The following PDE11A variants were observed in gnomAD, a reference collection of about 807,000 sequenced individuals.
PDE11A encodes the protein dual 3',5'-cyclic-AMP and -GMP phosphodiesterase 11A.
A neutral mutation model predicts 100.5 loss-of-function variants in PDE11A; 100 were observed. That is an observed-to-expected ratio of 1.00 (90% CI 0.85 to 1.18). PDE11A has a LOEUF of 1.18. Among genes scored for constraint, PDE11A ranks in the 50% most tolerant of loss-of-function variants. The pLI, the probability that PDE11A is intolerant of heterozygous loss-of-function variation, is 0.00. For synonymous variants in PDE11A, 381 were observed against 420.8 expected, an observed-to-expected ratio of 0.91 and a Z score of 1.16; for missense variants, 1,141 against 1,152.6, an observed-to-expected ratio of 0.99 and a Z score of 0.15.
At chr2:177,971,975 A>T (rs187690911) in intron 2 of PDE11A, among the ~76,000 whole-genome samples, 21 of 152,344 alleles carry the variant, frequency 1.4e-4, no homozygotes, top group African/African-American at 4.1e-4. Context: ...CTAGACACCA[A>T]TAGAGTCTCA....
intron 9 of PDE11A, among the ~76,000 whole-genome samples, chr2:177,789,965 C>T (rs1029019721): frequency 6.6e-6 from 1 of 151,146 alleles, no homozygotes; most frequent in African/African-American, 2.4e-5. Context: ...CCATACTGCC[C>T]AAGGTAATTT....
chr2:177,843,201 G>C (rs1392016352), intron 5 of PDE11A, among the ~76,000 whole-genome samples: 1 of 152,200 alleles, frequency 6.6e-6, no homozygotes, highest in African/African-American at 2.4e-5. Context: ...TTATAGATCA[G>C]AAAATGGAGA....
At chr2:177,919,528 A>C (rs1442116937) in intron 2 of PDE11A, among the ~76,000 whole-genome samples, 2 of 152,178 alleles carry the variant, frequency 1.3e-5, no homozygotes, top group African/African-American at 2.4e-5. Context: ...CAATTATTCC[A>C]AACTTTCATA....
At chr2:178,093,234 T>C (rs1046665376) in intron 2 of PDE11A, among the ~76,000 whole-genome samples, 1 of 152,226 alleles carries the variant, frequency 6.6e-6, no homozygotes, top group Admixed American at 6.5e-5. Flanking sequence ...AGACATGTTA[T>C]GCTTAAGCAG....
At chr2:177,912,022 A>G (rs993382745) in intron 2 of PDE11A, among the ~76,000 whole-genome samples, 3 of 152,148 alleles carry the variant, frequency 2.0e-5, no homozygotes, top group African/African-American at 7.2e-5. Flanking sequence ...GAGGGCAAAT[A>G]AAAAAGAAGG....
intron 9 of PDE11A, among the ~76,000 whole-genome samples, chr2:177,773,759 A>C (rs1223211750): frequency 1.3e-5 from 2 of 152,192 alleles, no homozygotes; most frequent in African/African-American, 2.4e-5. Flanking sequence ...TTCCCAGAAG[A>C]GTACAATCCA....
intron 1 of PDE11A, among the ~76,000 whole-genome samples, chr2:178,042,767 GC>G (rs2086699938): frequency 6.6e-6 from 1 of 152,100 alleles, no homozygotes; most frequent in African/African-American, 2.4e-5. Flanking sequence ...AGGATATTCT[GC>G]CATGAAGCCT....
intron 4 of PDE11A, among the ~76,000 whole-genome samples, chr2:177,890,418 T>C (rs2105717805): frequency 6.6e-6 from 1 of 152,324 alleles, no homozygotes; most frequent in Non-Finnish European, 1.5e-5. Context: ...ACATGACTTA[T>C]TTTGGTGAAC....
intron 10 of PDE11A, among the ~76,000 whole-genome samples, chr2:177,767,221 T>C (rs2105498579): frequency 6.6e-6 from 1 of 152,232 alleles, no homozygotes. Context: ...TCCCTGCTAC[T>C]TGGGAGGCTG....
intron 2 of PDE11A, among the ~76,000 whole-genome samples, chr2:177,954,271 T>A (rs979407924): frequency 6.6e-6 from 1 of 152,096 alleles, no homozygotes; most frequent in Non-Finnish European, 1.5e-5. Flanking sequence ...GGGGGGGAAA[T>A]GTTACTTACA....
intron 6 of PDE11A, among the ~76,000 whole-genome samples, chr2:177,835,860 G>C (rs1214313999): frequency 1.3e-5 from 2 of 152,220 alleles, no homozygotes; most frequent in East Asian, 3.9e-4. Context: ...AGCAGTGCCG[G>C]CCCACTGGCG....
chr2:178,015,875 T>C (rs567444748), intron 1 of PDE11A, among the ~76,000 whole-genome samples: 19 of 152,260 alleles, frequency 1.2e-4, no homozygotes, highest in Admixed American at 7.8e-4. Flanking sequence ...TCCAGTCTGA[T>C]GATAAACTAT....
intron 2 of PDE11A, among the ~76,000 whole-genome samples, chr2:177,967,615 T>A (rs904789730): frequency 1.3e-5 from 2 of 152,014 alleles, no homozygotes; most frequent in Non-Finnish European, 2.9e-5. Flanking sequence ...GCTTAAAGCA[T>A]CTAGTATAGA....
At chr2:177,756,034 T>C (rs934198588) in intron 10 of PDE11A, among the ~76,000 whole-genome samples, 11 of 152,324 alleles carry the variant, frequency 7.2e-5, no homozygotes, top group Admixed American at 5.2e-4. Context: ...GGGAAGACTT[T>C]GGGCTTTTAC....
intron 2 of PDE11A, among the ~76,000 whole-genome samples, chr2:177,942,082 G>T (rs1410847757): frequency 1.3e-5 from 2 of 152,168 alleles, no homozygotes; most frequent in African/African-American, 2.4e-5. Flanking sequence ...AAATGCTATT[G>T]CTTTAAACAT....
intron 2 of PDE11A, among the ~76,000 whole-genome samples, chr2:177,957,922 A>C (rs962938307): frequency 4.6e-5 from 1 of 21,632 alleles, no homozygotes; most frequent in Admixed American, 2.3e-4. Context: ...TTTTTTTGAG[A>C]CGGAGTCTCT....
rs1337858983 is a variant in PDE11A, at chr2:177,626,022, G to A, written c.*3385C>T. On this transcript the variant is annotated 3_prime_UTR_variant, in exon 20 of 20. Coordinates refer to ENST00000286063, the MANE Select transcript of PDE11A (RefSeq NM_016953.4). ...ATTACAAACAGCTACTAGATTGATG[G>A]TTGACATTGTCAGGGCTCCACTGTA... 2 of 152,572 alleles carry A rather than the reference G, an allele frequency of 1.3e-5. No homozygotes were observed. Among genetic ancestry groups the A allele is most frequent in the Admixed American group, 6.6e-5 (1 of 15,264 alleles). The allele number at this position is 152,572 out of a possible 1,614,324, so 9.5% of individuals were successfully genotyped here.
intron 9 of PDE11A, among the ~76,000 whole-genome samples, chr2:177,774,468 T>C (rs1334584308): frequency 6.6e-6 from 1 of 152,230 alleles, no homozygotes; most frequent in African/African-American, 2.4e-5. Context: ...CACTCCTATT[T>C]TGAAAAGTCT....
intron 19 of PDE11A, among the ~76,000 whole-genome samples, chr2:177,633,325 G>T (rs1176634103): frequency 6.6e-6 from 1 of 152,210 alleles, no homozygotes; most frequent in Non-Finnish European, 1.5e-5. Context: ...CTCTTTTTCT[G>T]TTAGAATGCC....
Sources: allele counts gnomAD v4.1 joint callset (sites outside exome capture counted in the v4.1 genomes callset), GRCh38; gene constraint gnomAD v4.1.1; transcripts MANE v1.5; gene names NCBI Gene and HGNC (gene_info 2026-07-23, HGNC 2026-07-21).